The following ZNF385A variants were observed in gnomAD, a reference collection of about 807,000 sequenced individuals.
ZNF385A encodes the protein hematopoietic zinc finger protein.
Under a neutral mutation model 32.1 loss-of-function variants are expected in ZNF385A, and 14 were observed. The ratio of observed to expected loss-of-function variants is 0.44; its 90% CI spans 0.29 to 0.68. ZNF385A has a LOEUF of 0.68. ZNF385A is among the 30% of genes least tolerant of loss of function. The probability of loss-of-function intolerance (pLI) is 0.14; values close to 1 mark genes in which losing one functional copy is unlikely to be tolerated. For synonymous variants in ZNF385A, 197 were observed against 202.7 expected (o/e 0.97, Z 0.24); for missense variants, 406 against 478.4 (o/e 0.85, Z 1.41).
Position 54,374,038 on chromosome 12 carries a change from T to A in ZNF385A, c.296A>T (p.Glu99Val). 2 of 1,601,404 alleles carry A rather than the reference T, an allele frequency of 1.2e-6. No homozygotes were observed. The highest frequency in any genetic ancestry group is 1.7e-6 in the Non-Finnish European group (2 of 1,171,628). ...GCCTGGGGGAGCTGGGTCTCCAGGT[T>A]CTCGGACGCCAGGCTCCCTGCCTCT... is the stretch of plus-strand genomic sequence containing the variant. ...KTRGREPGVREPGDPAPPGST... is the reference protein window; with the variant it reads ...KTRGREPGVRVPGDPAPPGST... The change falls in exon 3 of 7, where the codon GAA (glutamate) becomes GTA (valine). Residue 99 changes from glutamate (E) to valine (V), a missense_variant. Coordinates refer to ENST00000394313, the MANE Select transcript of ZNF385A (RefSeq NM_015481.3).
intron 2 of ZNF385A, 136 bp downstream of exon 2, chr12:54,375,708 C>T: frequency 1.4e-6 from 1 of 735,942 alleles, no homozygotes; most frequent in Non-Finnish European, 2.4e-6. Flanking sequence ...TCCCCATTCC[C>T]TGCTCTTTGC....
intron 3 of ZNF385A, chr12:54,373,041 AAAAC>A (rs982936574): frequency 5.9e-5 from 10 of 170,424 alleles, no homozygotes; most frequent in Non-Finnish European, 8.9e-5. Context: ...TCTGTCTCAA[AAAAC>A]AAACAAACAA....
chr12:54,391,264 G>A (rs1006555306), exon 1 of ZNF385A: 1 of 1,381,374 alleles, frequency 7.2e-7, no homozygotes, highest in Non-Finnish European at 9.5e-7. Context: ...CCAGGCGCCC[G>A]GGGTTCCGCG....
chr12:54,383,554 C>T (rs1191446505), intron 1 of ZNF385A, among the ~76,000 whole-genome samples: 50 of 152,214 alleles, frequency 3.3e-4, no homozygotes, highest in Non-Finnish European at 5.9e-5. Flanking sequence ...TTGCCCCACT[C>T]ACCTTCCTCA....
At chr12:54,391,269 T>C (rs1436019936) in exon 1 of ZNF385A, 3 of 1,166,802 alleles carry the variant, frequency 2.6e-6, no homozygotes, top group East Asian at 7.2e-5. Context: ...CGCCCGGGGT[T>C]CCGCGTCGCT....
chr12:54,379,344 T>G, intron 1 of ZNF385A: 12 of 255,516 alleles, frequency 4.7e-5, no homozygotes, highest in Non-Finnish European at 6.8e-5. Context: ...AAGAGGGAGA[T>G]GTCCATTATC....
chr12:54,384,212 C>T (rs1252884037), intron 1 of ZNF385A, among the ~76,000 whole-genome samples: 1 of 152,226 alleles, frequency 6.6e-6, no homozygotes, highest in Non-Finnish European at 1.5e-5. Flanking sequence ...AGCACAGTGT[C>T]TGGCCCGTAG....
At chr12:54,389,675 C>T (rs1034743984), upstream of ZNF385A, among the ~76,000 whole-genome samples, 6 of 152,166 alleles carry the variant, frequency 3.9e-5, no homozygotes, top group East Asian at 7.7e-4. Context: ...TGCTGCCTCT[C>T]GAGCTGTGCC....
At chr12:54,385,772 G>A (rs935183288), upstream of ZNF385A, 1 of 552,330 alleles carries the variant, frequency 1.8e-6, no homozygotes, top group Non-Finnish European at 2.3e-6. Flanking sequence ...TCTGCCCTCT[G>A]CCCCCTCCCT....
At chr12:54,380,100 C>T (rs1169935041) in intron 1 of ZNF385A, among the ~76,000 whole-genome samples, 1 of 152,066 alleles carries the variant, frequency 6.6e-6, no homozygotes, top group Non-Finnish European at 1.5e-5. Flanking sequence ...GGGAGGAGAA[C>T]GAGGGGAGAC....
intron 1 of ZNF385A, among the ~76,000 whole-genome samples, chr12:54,389,959 CAGG>C (rs1299996167): frequency 6.6e-6 from 1 of 151,836 alleles, no homozygotes; most frequent in Non-Finnish European, 1.5e-5. Context: ...TGAGGACACA[CAGG>C]AGGAGGAGAG....
intron 2 of ZNF385A, among the ~76,000 whole-genome samples, chr12:54,375,356 G>A (rs1954789938): frequency 6.6e-6 from 1 of 152,166 alleles, no homozygotes; most frequent in Non-Finnish European, 1.5e-5. Flanking sequence ...TGATTTGGAG[G>A]GAGGAGAGTA....
At chr12:54,388,363 C>G (rs1047824092), upstream of ZNF385A, among the ~76,000 whole-genome samples, 16 of 152,324 alleles carry the variant, frequency 1.1e-4, no homozygotes, top group African/African-American at 3.8e-4. Context: ...CTCAACCAGG[C>G]CACATCTGGC....
chr12:54,376,084 G>A (rs548645857), intron 1 of ZNF385A, 130 bp from the exon 2 acceptor site: 3 of 674,336 alleles, frequency 4.4e-6, no homozygotes, highest in East Asian at 5.5e-5. Flanking sequence ...TGAGGGATCT[G>A]AGCCTCAGTC....
rs1385206494 is a variant in ZNF385A, at chr12:54,370,098, C to T, written c.*158G>A. ...CCCCCCTTCTGAAGCCCCCCTCCCC[C>T]GCTACCCCTCCCCTTTCCTGGAACC... On this transcript the variant is annotated 3_prime_UTR_variant, in exon 7 of 7. Coordinates refer to ENST00000394313, the MANE Select transcript of ZNF385A (RefSeq NM_015481.3). The surrounding 1 kb of genome is among the most constrained non-coding windows in gnomAD (Gnocchi z 5.5). 1 of 589,954 alleles carries T rather than the reference C, an allele frequency of 1.7e-6. No homozygotes were observed. The highest frequency in any genetic ancestry group is 2.7e-6 in the Non-Finnish European group (1 of 369,110). The allele number at this position is 589,954 out of a possible 1,614,324, so 36.5% of individuals were successfully genotyped here. A position where few individuals can be genotyped will look rare whatever the true frequency, so the allele number is the denominator to read the frequency against.
Position 54,371,061 on chromosome 12 carries a change from C to G in ZNF385A, c.640G>C (p.Gly214Arg). ...GGGTAAGCTTTGATGGGCCCGAGCC[C>G]ACTTCGGGCCTCCAGAATTGTCTTG... ...KHKTILEARS[G>R]LGPIKAYPRL... The change falls in exon 5 of 7, where the codon GGG (glycine) becomes CGG (arginine). Residue 214 changes from glycine to arginine, a missense_variant. By Grantham distance (125) the Gly-to-Arg change is moderately radical. Coordinates refer to ENST00000394313, the MANE Select transcript of ZNF385A (RefSeq NM_015481.3). 1 of 1,612,510 alleles carries G rather than the reference C, an allele frequency of 6.2e-7. No homozygotes were observed. The highest frequency in any genetic ancestry group is 8.5e-7 in the Non-Finnish European group (1 of 1,179,404).
intron 3 of ZNF385A, among the ~76,000 whole-genome samples, chr12:54,372,677 TC>T (rs1954615590): frequency 6.6e-6 from 1 of 152,212 alleles, no homozygotes; most frequent in Non-Finnish European, 1.5e-5. Flanking sequence ...CCTCTTCCTC[TC>T]CATCTTACAG....
chr12:54,385,642 T>C (rs1199873416), upstream of ZNF385A: 8 of 985,368 alleles, frequency 8.1e-6, no homozygotes, highest in Non-Finnish European at 9.6e-6. Flanking sequence ...GATCCCTTCC[T>C]GTTCCCTCCA....
chr12:54,370,282 C>T lies in ZNF385A; in HGVS notation c.1075G>A (p.Gly359Arg). 3 of 1,473,436 alleles carry T rather than the reference C, an allele frequency of 2.0e-6. No individual in the cohort carries two copies. Among genetic ancestry groups the T allele is most frequent in the Non-Finnish European group, 2.7e-6 (3 of 1,111,578 alleles). 91.3% of individuals were successfully genotyped at this position (1,473,436 alleles called of 1,614,324 possible). A position where few individuals can be genotyped will look rare whatever the true frequency, so the allele number is the denominator to read the frequency against. Residue 359 changes from glycine to arginine, a missense_variant, in exon 7 of 7, where the codon GGA (glycine) becomes AGA (arginine). Gly to Arg is a moderately radical substitution (Grantham distance 125). Transcript: ENST00000394313. The surrounding 1 kb of genome is among the most constrained non-coding windows in gnomAD (Gnocchi z 5.5). ...CAGTACGGGGAGAAGAGGATGGGTC[C>T]GTGCGCAGTTCGGATGGGTCCGGGG... is the stretch of plus-strand genomic sequence containing the variant. ...PAPGPIRTAH[G>R]PILFSPY
Sources: gnomAD v4.1 joint callset for allele counts (sites outside exome capture counted in the v4.1 genomes callset) on GRCh38, gnomAD v4.1.1 for gene constraint, Gnocchi (gnomAD v3.1) non-coding constraint, MANE v1.5 for transcripts, NCBI Gene and HGNC (gene_info 2026-07-23, HGNC 2026-07-21) for gene names.